SLC4A7: variants seen among roughly 807,000 people sequenced by gnomAD.
SLC4A7 encodes sodium bicarbonate cotransporter 3.
A neutral mutation model predicts 137.6 loss-of-function variants in SLC4A7; 51 were observed. That is an observed-to-expected ratio of 0.37 (90% CI 0.30 to 0.47). The LOEUF (loss-of-function observed/expected upper bound fraction) is 0.47. Ranked by LOEUF, SLC4A7 falls within the 20% of genes least tolerant of loss-of-function variation. The pLI, the probability that SLC4A7 is intolerant of heterozygous loss-of-function variation, is 1.00. For synonymous variants in SLC4A7, 542 were observed against 518.6 expected (o/e 1.05, Z -0.61); for missense variants, 1,247 against 1,525.4 (o/e 0.82, Z 3.04).
chr3:27,421,680 C>G lies in SLC4A7; in HGVS notation c.1366G>C (p.Val456Leu). The stretch of plus-strand genomic sequence containing the variant: ...AGGAGGACAGCAGGAGCCAGTCTCA[C>G]AAATGCAATTATTGGCCTTTCCAAA... ...DFLERPIIAF[V>L]RLAPAVLLTG... The change falls in exon 9 of 26, where the codon GTG becomes CTG. Residue 456 changes from valine to leucine, a missense_variant. Around this residue, in one of 6 missense-constraint regions of SLC4A7, gnomAD observed 499 missense variants for 664.2 expected, o/e 0.75. Coordinates refer to ENST00000454389, the MANE Select transcript of SLC4A7 (RefSeq NM_001321103.2). The G allele has an allele frequency of 6.2e-7, 1 of 1,614,078 alleles. No homozygotes were observed. The highest frequency in any genetic ancestry group is 1.7e-5 in the Admixed American group (1 of 60,024).
chr3:27,482,194 T>C (rs975971908), intron 1 of SLC4A7, among the ~76,000 whole-genome samples: 1 of 152,130 alleles, frequency 6.6e-6, no homozygotes, highest in Non-Finnish European at 1.5e-5. Context: ...CTACAGTAAA[T>C]AGTGTAAATA....
At chr3:27,484,029 C>A in intron 1 of SLC4A7, 38 bp downstream of exon 1, 5 of 1,366,452 alleles carry the variant, frequency 3.7e-6, no homozygotes, top group Non-Finnish European at 4.7e-6. Context: ...CCCGCGCCCT[C>A]CCCCTGCGGA....
intron 18 of SLC4A7, 143 bp from the exon 19 acceptor site, chr3:27,395,258 C>A: frequency 3.6e-6 from 2 of 555,794 alleles, no homozygotes; most frequent in Non-Finnish European, 6.2e-6. Context: ...GAATTATTTT[C>A]AAAGATGGCC....
At chr3:27,456,946 A>G in intron 1 of SLC4A7, 1 of 984,968 alleles carries the variant, frequency 1.0e-6, no homozygotes, top group Non-Finnish European at 1.2e-6. Context: ...ACCAAGAGGA[A>G]TGCAGCAATC....
chr3:27,483,598 G>C (rs2150778451), intron 1 of SLC4A7, among the ~76,000 whole-genome samples: 1 of 152,354 alleles, frequency 6.6e-6, no homozygotes, highest in Non-Finnish European at 1.5e-5. Flanking sequence ...CCACTGCCTG[G>C]GGCTAGAGAC....
chr3:27,390,782 T>C (rs1416090069), intron 21 of SLC4A7, among the ~76,000 whole-genome samples: 3 of 152,158 alleles, frequency 2.0e-5, no homozygotes, highest in Admixed American at 6.5e-5. Context: ...GAGGTGGTCA[T>C]GTAGCGCTAA....
chr3:27,387,126 T>C (rs903314785), intron 22 of SLC4A7, among the ~76,000 whole-genome samples: 1 of 152,176 alleles, frequency 6.6e-6, no homozygotes, highest in Non-Finnish European at 1.5e-5. Flanking sequence ...TTTTTAAATA[T>C]TTGGTTATTA....
chr3:27,444,027 C>T (rs979404025), intron 3 of SLC4A7, among the ~76,000 whole-genome samples: 18 of 152,130 alleles, frequency 1.2e-4, no homozygotes, highest in South Asian at 4.1e-4. Context: ...CATTTGCACT[C>T]GTAGAGAACG....
intron 18 of SLC4A7, among the ~76,000 whole-genome samples, chr3:27,395,795 C>T (rs2052090979): frequency 6.6e-6 from 1 of 152,190 alleles, no homozygotes; most frequent in African/African-American, 2.4e-5. Flanking sequence ...AATGTCATTT[C>T]CACATGTTCC....
chr3:27,471,466 G>C (rs1226714719), intron 1 of SLC4A7, among the ~76,000 whole-genome samples: 1 of 152,140 alleles, frequency 6.6e-6, no homozygotes, highest in African/African-American at 2.4e-5. Flanking sequence ...GTGCAATGGG[G>C]CAATCTCAGT....
At chr3:27,455,885 T>A (rs1404765083) in intron 1 of SLC4A7, among the ~76,000 whole-genome samples, 1 of 151,730 alleles carries the variant, frequency 6.6e-6, no homozygotes, top group African/African-American at 2.4e-5. Flanking sequence ...CAAAACCTAG[T>A]TCATAAATTT....
intron 22 of SLC4A7, among the ~76,000 whole-genome samples, chr3:27,386,725 C>G (rs2370995): frequency 1.3e-5 from 2 of 151,986 alleles, no homozygotes; most frequent in Non-Finnish European, 2.9e-5. Flanking sequence ...TTAATTATCA[C>G]GTCAAATATA....
At chr3:27,471,468 A>C (rs659874) in intron 1 of SLC4A7, among the ~76,000 whole-genome samples, 1 of 152,142 alleles carries the variant, frequency 6.6e-6, no homozygotes, top group Non-Finnish European at 1.5e-5. Flanking sequence ...GCAATGGGGC[A>C]ATCTCAGTTC....
intron 1 of SLC4A7, among the ~76,000 whole-genome samples, chr3:27,465,055 T>C (rs1353812675): frequency 6.6e-6 from 1 of 152,058 alleles, no homozygotes; most frequent in Non-Finnish European, 1.5e-5. Flanking sequence ...ACCAGCACTT[T>C]GGGAGGCCAA....
chr3:27,438,735 T>C (rs1481091527), intron 3 of SLC4A7, among the ~76,000 whole-genome samples: 1 of 152,022 alleles, frequency 6.6e-6, no homozygotes, highest in African/African-American at 2.4e-5. Flanking sequence ...AAATACAATG[T>C]AAGCTGAAGA....
intron 3 of SLC4A7, among the ~76,000 whole-genome samples, chr3:27,446,755 T>C (rs1419236475): frequency 6.6e-6 from 1 of 152,148 alleles, no homozygotes; most frequent in East Asian, 1.9e-4. Flanking sequence ...CAAAAAAAAG[T>C]TCACTAGTGA....
intron 1 of SLC4A7, among the ~76,000 whole-genome samples, chr3:27,463,151 G>A (rs1262474896): frequency 2.6e-5 from 4 of 152,188 alleles, no homozygotes; most frequent in Non-Finnish European, 5.9e-5. Flanking sequence ...GTTAGGGCCG[G>A]GCGCGGTGGC....
chr3:27,419,970 C>G (rs1023842449), intron 10 of SLC4A7, among the ~76,000 whole-genome samples: 3 of 152,022 alleles, frequency 2.0e-5, no homozygotes, highest in African/African-American at 7.2e-5. Flanking sequence ...GGGCAGATCA[C>G]AAGGTCAGGA....
chr3:27,483,052 T>A (rs185427776), intron 1 of SLC4A7, among the ~76,000 whole-genome samples: 190 of 152,342 alleles, frequency 1.2e-3, no homozygotes, highest in Non-Finnish European at 1.7e-3. Flanking sequence ...TCCTCTTAGT[T>A]GTGAAAGACC....
Sources: allele counts gnomAD v4.1 joint callset (sites outside exome capture counted in the v4.1 genomes callset), GRCh38; gene constraint gnomAD v4.1.1; regional missense constraint gnomAD v4.1.1; transcripts MANE v1.5; gene names NCBI Gene and HGNC (gene_info 2026-07-23, HGNC 2026-07-21).